INTS2: variants seen among roughly 807,000 people sequenced by gnomAD.
INTS2 encodes the protein KIAA1287.
In INTS2, 57 loss-of-function variants were observed where a neutral mutation model predicts 139.6. That is an observed-to-expected ratio of 0.41 (90% CI 0.33 to 0.51). INTS2 has a LOEUF of 0.51. INTS2 is among the 20% of genes least tolerant of loss of function. The probability of loss-of-function intolerance (pLI) is 0.28; values close to 1 mark genes in which losing one functional copy is unlikely to be tolerated. For missense variants in INTS2, 1,196 were observed against 1,436.7 expected, an observed-to-expected ratio of 0.83 and a Z score of 2.71; for synonymous variants, 473 against 493.4, an observed-to-expected ratio of 0.96 and a Z score of 0.55.
intron 8 of INTS2, among the ~76,000 whole-genome samples, chr17:61,904,925 C>T (rs2079445419): frequency 6.6e-6 from 1 of 151,360 alleles, no homozygotes; most frequent in Admixed American, 6.6e-5. Flanking sequence ...ACATTAAAAA[C>T]TCTGTTGATT....
chr17:61,926,026 CA>C (rs1297593738), intron 2 of INTS2, among the ~76,000 whole-genome samples: 2 of 145,654 alleles, frequency 1.4e-5, no homozygotes, highest in African/African-American at 5.3e-5. Context: ...AACTCTGTCT[CA>C]AAAAAGAAAA....
chr17:61,898,039 T>C (rs2079366942), intron 9 of INTS2, among the ~76,000 whole-genome samples: 2 of 152,166 alleles, frequency 1.3e-5, no homozygotes. Context: ...CAAAGGCCCC[T>C]TGGGATTAAC....
chr17:61,921,130 A>G (rs2079636924), intron 4 of INTS2: 1 of 152,194 alleles, frequency 6.6e-6, no homozygotes, highest in Admixed American at 6.6e-5. Flanking sequence ...CCTATTATAT[A>G]CAATCTGGAA....
chr17:61,878,893 G>C (rs1285809608), intron 17 of INTS2, among the ~76,000 whole-genome samples: 8 of 112,918 alleles, frequency 7.1e-5, no homozygotes, highest in African/African-American at 2.8e-4. Flanking sequence ...TCCTGCCACT[G>C]CACTCCAACC....
chr17:61,889,755 C>T lies in INTS2; in HGVS notation c.1984+31G>A, dbSNP rs753280839. On this transcript the variant is annotated intron_variant, in intron 15 of 24. Transcript: ENST00000251334. ...AATACAAGCTAATAAAATAAACTAC[C>T]ACTAGAACCACTCCTCTACGTACAA... 5.6e-6 allele frequency: 6 copies of T among 1,074,076 alleles called. No homozygotes were observed. In the Admixed American group the frequency reaches 1.2e-4, roughly 22 times the overall value. The allele number at this position is 1,074,076 out of a possible 1,614,324, so 66.5% of individuals were successfully genotyped here. A position where few individuals can be genotyped will look rare whatever the true frequency, so the allele number is the denominator to read the frequency against.
In INTS2 at chr17:61,867,695, T is replaced by G. The variant is rs760652144; in HGVS notation, c.3453A>C (p.Gly1151=). 1.9e-6 allele frequency: 3 copies of G among 1,606,580 alleles called. No individual in the cohort carries two copies. Among genetic ancestry groups the G allele is most frequent in the Non-Finnish European group, 2.5e-6 (3 of 1,176,642 alleles). ...RLQQIKEKPS[G]WSQICKDSSY... ...ATGAATCTTTACAGATTTGAGACCA[T>G]CCACTTGGTTTCTCCTTTATTTGTT... The change falls in exon 25 of 25, where the codon GGA becomes GGC. Residue 1151 remains glycine, a synonymous_variant. Coordinates refer to ENST00000251334, the MANE Select transcript of INTS2 (RefSeq NM_001351695.2). The surrounding 1 kb of genome is among the most constrained non-coding windows in gnomAD (Gnocchi z 5.6).
intron 15 of INTS2, among the ~76,000 whole-genome samples, chr17:61,888,886 G>A (rs1055773425): frequency 1.3e-4 from 19 of 151,914 alleles, no homozygotes; most frequent in Non-Finnish European, 1.0e-4. Context: ...TTAGCCGGGC[G>A]TCGTAGCAGG....
intron 5 of INTS2, among the ~76,000 whole-genome samples, chr17:61,914,090 T>C (rs1429429325): frequency 1.3e-5 from 2 of 151,330 alleles, no homozygotes; most frequent in Non-Finnish European, 2.9e-5. Flanking sequence ...AGACAGAGAC[T>C]GCCACTAGAT....
At chr17:61,908,736 C>G (rs1190231955) in intron 7 of INTS2, among the ~76,000 whole-genome samples, 1 of 152,026 alleles carries the variant, frequency 6.6e-6, no homozygotes, top group Non-Finnish European at 1.5e-5. Context: ...GATGAGCATG[C>G]CAAGTGCTTA....
At chr17:61,888,553 G>C (rs1282441828) in intron 15 of INTS2, among the ~76,000 whole-genome samples, 2 of 116,606 alleles carry the variant, frequency 1.7e-5, no homozygotes, top group Non-Finnish European at 3.5e-5. Context: ...CTGTGTGCGT[G>C]TGTGTGCGTG....
At chr17:61,894,037 T>C (rs2079322545) in intron 12 of INTS2, 138 bp from the exon 13 acceptor site, 1 of 487,444 alleles carries the variant, frequency 2.1e-6, no homozygotes, top group African/African-American at 2.0e-5. Flanking sequence ...AATTATTACA[T>C]GTTTTAATTG....
At chr17:61,891,328 T>A (rs1039594400) in intron 14 of INTS2, among the ~76,000 whole-genome samples, 185 bp downstream of exon 14, 1 of 152,022 alleles carries the variant, frequency 6.6e-6, no homozygotes, top group Non-Finnish European at 1.5e-5. Context: ...AAAAAGTGCC[T>A]GTTTAGCAAA....
chr17:61,891,127 C>T (rs560592651), intron 14 of INTS2, among the ~76,000 whole-genome samples: 1 of 151,702 alleles, frequency 6.6e-6, no homozygotes, highest in African/African-American at 2.4e-5. Flanking sequence ...AACCCTGTCT[C>T]TACTAAAAAT....
intron 1 of INTS2, chr17:61,927,013 T>C (rs2079722745): frequency 3.4e-6 from 1 of 291,320 alleles, no homozygotes; most frequent in Admixed American, 4.9e-5. Context: ...TCTACTAAAA[T>C]CCCAGTCCAA....
intron 4 of INTS2, chr17:61,921,427 A>C (rs2079639866): frequency 5.3e-6 from 1 of 188,820 alleles, no homozygotes; most frequent in African/African-American, 2.3e-5. Context: ...AGTCTACTTA[A>C]CACTTTGCCC....
At chr17:61,906,988 T>A (rs1490775057) in intron 8 of INTS2, among the ~76,000 whole-genome samples, 1 of 120,808 alleles carries the variant, frequency 8.3e-6, no homozygotes, top group Non-Finnish European at 1.7e-5. Context: ...AAAAAAACAT[T>A]GTACTTATTA....
chr17:61,888,057 A>G (rs1019884027), intron 15 of INTS2, among the ~76,000 whole-genome samples: 2 of 151,720 alleles, frequency 1.3e-5, no homozygotes, highest in African/African-American at 4.9e-5. Flanking sequence ...GTCTCAAAAA[A>G]AAAAGAAAAA....
intron 5 of INTS2, among the ~76,000 whole-genome samples, chr17:61,916,204 GC>G (rs2079581018): frequency 6.6e-6 from 1 of 152,096 alleles, no homozygotes; most frequent in Admixed American, 6.6e-5. Context: ...GTAGGCTGAG[GC>G]GGGCAGACCA....
intron 7 of INTS2, among the ~76,000 whole-genome samples, chr17:61,907,874 T>C (rs925481477): frequency 6.6e-6 from 1 of 152,184 alleles, no homozygotes; most frequent in Non-Finnish European, 1.5e-5. Context: ...TAGTGACAAT[T>C]TGAATTGTGG....
Sources: gnomAD v4.1 joint callset for allele counts (sites outside exome capture counted in the v4.1 genomes callset) on GRCh38, gnomAD v4.1.1 for gene constraint, Gnocchi (gnomAD v3.1) non-coding constraint, MANE v1.5 for transcripts, NCBI Gene and HGNC (gene_info 2026-07-23, HGNC 2026-07-21) for gene names.